The following KCTD16 variants were observed in gnomAD, a reference collection of about 807,000 sequenced individuals.
KCTD16 encodes BTB/POZ domain-containing protein KCTD16.
KCTD16 carries 13 observed loss-of-function variants against 33.2 expected under a neutral mutation model. The observed-to-expected ratio is 0.39, with a 90% CI of 0.25 to 0.62. KCTD16 has a LOEUF of 0.62. Among genes scored for constraint, KCTD16 ranks in the 20% least tolerant of loss-of-function variants. The pLI is 0.50. For missense variants in KCTD16, 441 were observed against 525.1 expected (o/e 0.84, Z 1.57); for synonymous variants, 197 against 195.3 (o/e 1.01, Z -0.07).
intron 3 of KCTD16, among the ~76,000 whole-genome samples, chr5:144,407,927 C>T (rs1752847870): frequency 6.6e-6 from 1 of 152,156 alleles, no homozygotes; most frequent in Non-Finnish European, 1.5e-5. Flanking sequence ...GCTACATTTT[C>T]TTTATCCAGT....
At chr5:144,366,224 A>T (rs1307576454) in intron 3 of KCTD16, among the ~76,000 whole-genome samples, 1 of 152,180 alleles carries the variant, frequency 6.6e-6, no homozygotes, top group Non-Finnish European at 1.5e-5. Context: ...AAAAACTATG[A>T]TAACACCTGC....
At chr5:144,241,999 C>T (rs1186329055) in intron 3 of KCTD16, among the ~76,000 whole-genome samples, 5 of 152,056 alleles carry the variant, frequency 3.3e-5, no homozygotes, top group Non-Finnish European at 5.9e-5. Context: ...ACAAGTGTAC[C>T]CTACTTTACT....
chr5:144,261,185 G>GA (rs1285619770), intron 3 of KCTD16, among the ~76,000 whole-genome samples: 143 of 92,448 alleles, frequency 1.5e-3, no homozygotes, highest in East Asian at 9.0e-3. Context: ...AAAAAAAAAA[G>GA]AAAAAAAAAA....
intron 3 of KCTD16, among the ~76,000 whole-genome samples, chr5:144,292,669 G>C (rs543022039): frequency 1.3e-5 from 2 of 152,296 alleles, no homozygotes; most frequent in African/African-American, 4.8e-5. Flanking sequence ...TCACTACAGA[G>C]AGATGAGGCA....
At chr5:144,286,643 A>G (rs534406785) in intron 3 of KCTD16, among the ~76,000 whole-genome samples, 6 of 152,336 alleles carry the variant, frequency 3.9e-5, no homozygotes, top group African/African-American at 1.2e-4. Context: ...GACATTCTGC[A>G]TTGTACTTTT....
At chr5:144,372,053 A>C (rs1751979185) in intron 3 of KCTD16, among the ~76,000 whole-genome samples, 1 of 152,160 alleles carries the variant, frequency 6.6e-6, no homozygotes, top group Non-Finnish European at 1.5e-5. Flanking sequence ...GGCCAGTCTT[A>C]CATGTTGGAC....
chr5:144,352,349 A>G (rs974935300), intron 3 of KCTD16, among the ~76,000 whole-genome samples: 1 of 152,206 alleles, frequency 6.6e-6, no homozygotes, highest in Non-Finnish European at 1.5e-5. Context: ...TGTGAGGTTC[A>G]TTCATATTGA....
chr5:144,245,722 T>G (rs1302620601), intron 3 of KCTD16, among the ~76,000 whole-genome samples: 1 of 152,110 alleles, frequency 6.6e-6, no homozygotes, highest in African/African-American at 2.4e-5. Context: ...TCTCATGACA[T>G]CTGGTTGTTT....
intron 3 of KCTD16, among the ~76,000 whole-genome samples, chr5:144,349,940 G>A (rs185673139): frequency 8.5e-5 from 13 of 152,202 alleles, no homozygotes; most frequent in South Asian, 6.2e-4. Flanking sequence ...TTCCTGTAGC[G>A]CAGGCAGCTT....
At chr5:144,214,584 T>G (rs1014579405) in intron 3 of KCTD16, among the ~76,000 whole-genome samples, 1 of 152,174 alleles carries the variant, frequency 6.6e-6, no homozygotes, top group African/African-American at 2.4e-5. Flanking sequence ...CTTTTTTAGT[T>G]CTTGGATACT....
chr5:144,397,450 G>C (rs1294271783), intron 3 of KCTD16, among the ~76,000 whole-genome samples: 1 of 152,080 alleles, frequency 6.6e-6, no homozygotes, highest in Non-Finnish European at 1.5e-5. Flanking sequence ...GTAATGGGAT[G>C]GCTGGGTCAA....
At chr5:144,385,978 G>A (rs1752315261) in intron 3 of KCTD16, among the ~76,000 whole-genome samples, 3 of 152,092 alleles carry the variant, frequency 2.0e-5, no homozygotes, top group African/African-American at 2.4e-5. Context: ...GTGAGGCTGA[G>A]CTATCTAGTA....
intron 3 of KCTD16, among the ~76,000 whole-genome samples, chr5:144,339,872 G>A (rs1023681678): frequency 5.3e-5 from 8 of 152,226 alleles, no homozygotes; most frequent in Non-Finnish European, 1.0e-4. Flanking sequence ...GGACCAGGCT[G>A]CAATGGACAT....
intron 3 of KCTD16, among the ~76,000 whole-genome samples, chr5:144,385,531 TC>T (rs1276809443): frequency 6.6e-6 from 1 of 152,192 alleles, no homozygotes; most frequent in Admixed American, 6.5e-5. Context: ...TGAAATATTT[TC>T]CCCCAGATGT....
At chr5:144,281,431 T>A (rs1475603592) in intron 3 of KCTD16, among the ~76,000 whole-genome samples, 1 of 152,236 alleles carries the variant, frequency 6.6e-6, no homozygotes, top group Non-Finnish European at 1.5e-5. Context: ...CTACCTTTCT[T>A]CCAGATTTTT....
At chr5:144,315,060 A>C (rs1580866418) in intron 3 of KCTD16, among the ~76,000 whole-genome samples, 1 of 152,204 alleles carries the variant, frequency 6.6e-6, no homozygotes, top group African/African-American at 2.4e-5. Context: ...ATTGTTCTGC[A>C]CTTTGGGCTG....
intron 3 of KCTD16, among the ~76,000 whole-genome samples, chr5:144,378,055 A>C (rs1338692179): frequency 6.6e-6 from 1 of 152,194 alleles, no homozygotes; most frequent in Non-Finnish European, 1.5e-5. Context: ...AAACAAAGGA[A>C]CTTAAACACT....
chr5:144,387,378 A>G (rs1752349207), intron 3 of KCTD16, among the ~76,000 whole-genome samples: 1 of 151,906 alleles, frequency 6.6e-6, no homozygotes, highest in Non-Finnish European at 1.5e-5. Context: ...TCCTTTTTTG[A>G]GAAAAAATAA....
intron 3 of KCTD16, among the ~76,000 whole-genome samples, chr5:144,224,796 C>T (rs1753877855): frequency 1.3e-5 from 2 of 152,114 alleles, no homozygotes; most frequent in South Asian, 4.1e-4. Context: ...TCATAGCTAT[C>T]CTTACTGAAT....
Sources: allele counts gnomAD v4.1 joint callset (sites outside exome capture counted in the v4.1 genomes callset), GRCh38; gene constraint gnomAD v4.1.1; transcripts MANE v1.5; gene names NCBI Gene and HGNC (gene_info 2026-07-23, HGNC 2026-07-21).